CENPC: variants seen among roughly 807,000 people sequenced by gnomAD.
The protein encoded by CENPC is CENP-C 1.
A neutral mutation model predicts 112.1 loss-of-function variants in CENPC; 63 were observed. The ratio of observed to expected loss-of-function variants is 0.56; its 90% CI spans 0.46 to 0.69. CENPC has a LOEUF of 0.69. CENPC is among the 30% of genes least tolerant of loss of function. CENPC has a pLI of 0.00. For synonymous variants in CENPC, 333 were observed against 367.6 expected (o/e 0.91, Z 1.08); for missense variants, 1,000 against 1,103.8 (o/e 0.91, Z 1.33).
At chr4:67,496,154 A>C (rs758692823) in intron 12 of CENPC, among the ~76,000 whole-genome samples, 55 of 152,218 alleles carry the variant, frequency 3.6e-4, no homozygotes, top group Non-Finnish European at 1.3e-4. Flanking sequence ...CACATGGAAA[A>C]GCCACATGGA....
chr4:67,535,938 TCTA>T (rs1726706287), intron 4 of CENPC, among the ~76,000 whole-genome samples: 1 of 152,082 alleles, frequency 6.6e-6, no homozygotes, highest in East Asian at 1.9e-4. Context: ...AAAAGTGGGG[TCTA>T]CTATTTTTTT....
In CENPC at chr4:67,508,993, A is replaced by C; in HGVS notation, c.1725T>G (p.Thr575=). ...CTGTCTTCTGCCTTTTAAGTGGAAT[A>C]GTTTTTTTCCTAATATTCTTAGATG... is the stretch of plus-strand genomic sequence containing the variant. ...NQSSKNIRKK[T]IPLKRQKTAT... Residue 575 remains threonine, a synonymous_variant, in exon 10 of 19, where the codon ACT becomes ACG. Transcript: ENST00000273853. 6.2e-7 allele frequency: 1 copy of C among 1,613,376 alleles called. No individual in the cohort carries two copies.
chr4:67,490,652 G>A (rs1479658505), intron 16 of CENPC, among the ~76,000 whole-genome samples: 2 of 151,250 alleles, frequency 1.3e-5, no homozygotes, highest in African/African-American at 4.9e-5. Flanking sequence ...ATTAGGTAAA[G>A]TTTGTGAGAA....
At chr4:67,519,629 T>C (rs1259558252) in intron 5 of CENPC, 127 bp from the exon 6 acceptor site, 11 of 664,002 alleles carry the variant, frequency 1.7e-5, no homozygotes, top group Non-Finnish European at 2.6e-5. Context: ...TCATTAAGAT[T>C]AGAATCAAAG....
chr4:67,470,584 AAAAG>A lies in CENPC; in HGVS notation c.*2017_*2020del, dbSNP rs1724631967. The A allele has an allele frequency of 2.8e-5, 1 of 36,172 alleles. No homozygotes were observed. The highest frequency in any genetic ancestry group is 1.0e-4 in the African/African-American group (1 of 9,944). The allele number at this position is 36,172 out of a possible 1,614,324, so 2.2% of individuals were successfully genotyped here. ...TGAAACTCTGCCTCAAAAAAAAAAA[AAAAG>A]AAAAGAAAAGAAAAAAGAAAATAAA... On this transcript the variant is annotated 3_prime_UTR_variant, in exon 19 of 19. Transcript: ENST00000273853.
At chr4:67,488,024 G>T (rs1340910376) in intron 17 of CENPC, among the ~76,000 whole-genome samples, 1 of 151,362 alleles carries the variant, frequency 6.6e-6, no homozygotes, top group Admixed American at 6.6e-5. Context: ...ATTATAAAAA[G>T]TTAAAGGTAA....
rs1219219346 is a variant in CENPC, at chr4:67,472,326, T to C, written c.*279A>G. 4.4e-6 allele frequency: 1 copy of C among 229,328 alleles called. No individual in the cohort carries two copies. Among genetic ancestry groups the C allele is most frequent in the Non-Finnish European group, 8.0e-6 (1 of 125,388 alleles). 14.2% of individuals were successfully genotyped at this position (229,328 alleles called of 1,614,324 possible). A position where few individuals can be genotyped will look rare whatever the true frequency, so the allele number is the denominator to read the frequency against. ...GTAGACATATTAATCAGGTCTCTTT[T>C]GACACAGAAATGTTCTATATTTCAT... On this transcript the variant is annotated 3_prime_UTR_variant, in exon 19 of 19. Transcript: ENST00000273853.
chr4:67,534,119 G>A lies in CENPC; in HGVS notation c.232-3205C>T, dbSNP rs78402883. Among the ~76,000 whole-genome samples, 1,242 of 151,004 alleles carry A rather than the reference G, an allele frequency of 8.2e-3. 5 individuals are homozygous for A. Among genetic ancestry groups the A allele is most frequent in the East Asian group, 0.048 (239 of 4,996 alleles). On this transcript the variant is annotated intron_variant, in intron 4 of 18. Coordinates refer to ENST00000273853, the MANE Select transcript of CENPC (RefSeq NM_001812.4). Reference sequence around the variant, plus strand: ...TGTCGCAGAAAAAAAATTGTGTATAGCAAGTAGTTAAACTGGCTGGGCGCA... The same window carrying A: ...TGTCGCAGAAAAAAAATTGTGTATAACAAGTAGTTAAACTGGCTGGGCGCA...
chr4:67,542,738 C>T (rs1043052145), intron 2 of CENPC, among the ~76,000 whole-genome samples: 9 of 152,028 alleles, frequency 5.9e-5, no homozygotes, highest in African/African-American at 2.2e-4. Flanking sequence ...TATTAGTGGC[C>T]GGTTTTCTAC....
chr4:67,505,624 T>C (rs1311463995), intron 11 of CENPC, among the ~76,000 whole-genome samples: 1 of 152,206 alleles, frequency 6.6e-6, no homozygotes, highest in Non-Finnish European at 1.5e-5. Flanking sequence ...TAAATAGTTG[T>C]TATACTGTAT....
At chr4:67,477,294 G>C (rs1724831757) in intron 17 of CENPC, among the ~76,000 whole-genome samples, 1 of 152,164 alleles carries the variant, frequency 6.6e-6, no homozygotes, top group Non-Finnish European at 1.5e-5. Context: ...CCGTCACAGA[G>C]TCTGCTTCAC....
intron 5 of CENPC, among the ~76,000 whole-genome samples, chr4:67,526,516 C>T (rs1042315831): frequency 2.0e-5 from 3 of 151,386 alleles, no homozygotes; most frequent in Non-Finnish European, 2.9e-5. Flanking sequence ...ATTAATATTG[C>T]TATTTAAAAG....
intron 18 of CENPC, chr4:67,474,662 C>CA (rs1724755946): frequency 2.4e-6 from 1 of 425,154 alleles, no homozygotes; most frequent in South Asian, 2.4e-5. Context: ...CGTGCCACTG[C>CA]ACTCCAGCCT....
chr4:67,498,932 C>T (rs1231317568), intron 12 of CENPC, among the ~76,000 whole-genome samples: 2 of 152,210 alleles, frequency 1.3e-5, no homozygotes, highest in African/African-American at 4.8e-5. Flanking sequence ...GCAGCTACTG[C>T]CTTACAAAAT....
At chr4:67,538,170 C>G (rs568244051) in intron 4 of CENPC, among the ~76,000 whole-genome samples, 2 of 152,010 alleles carry the variant, frequency 1.3e-5, no homozygotes, top group Non-Finnish European at 2.9e-5. Context: ...AGAGTAGAAC[C>G]TTTATTTTGA....
chr4:67,478,047 G>A (rs1046506861), intron 17 of CENPC, among the ~76,000 whole-genome samples: 1 of 151,914 alleles, frequency 6.6e-6, no homozygotes, highest in Admixed American at 6.6e-5. Flanking sequence ...AAGAAGTTTG[G>A]GATTATGTTA....
intron 11 of CENPC, 117 bp from the exon 12 acceptor site, chr4:67,505,401 T>C: frequency 1.1e-5 from 7 of 646,268 alleles, no homozygotes; most frequent in Non-Finnish European, 1.9e-5. Context: ...ATAAAACCAA[T>C]AGTGATGTTA....
At chr4:67,480,893 G>A (rs1203141012) in intron 17 of CENPC, among the ~76,000 whole-genome samples, 5 of 152,164 alleles carry the variant, frequency 3.3e-5, no homozygotes, top group African/African-American at 9.7e-5. Context: ...AGAGGACAAG[G>A]ATGCCCACTT....
chr4:67,503,576 C>T (rs912604411), intron 12 of CENPC, among the ~76,000 whole-genome samples: 1 of 152,042 alleles, frequency 6.6e-6, no homozygotes, highest in Non-Finnish European at 1.5e-5. Context: ...TGACACACCC[C>T]TACCCTTAAA....
Sources: gnomAD v4.1 joint callset for allele counts (sites outside exome capture counted in the v4.1 genomes callset) on GRCh38, gnomAD v4.1.1 for gene constraint, MANE v1.5 for transcripts, NCBI Gene and HGNC (gene_info 2026-07-23, HGNC 2026-07-21) for gene names.